Variants in GRM7 observed in about 807,000 individuals in gnomAD.
GRM7 encodes the protein metabotropic glutamate receptor 7.
Under a neutral mutation model 84.5 loss-of-function variants are expected in GRM7, and 35 were observed. The ratio of observed to expected loss-of-function variants is 0.41; its 90% CI spans 0.32 to 0.55. GRM7 has a LOEUF of 0.55. Among genes scored for constraint, GRM7 ranks in the 20% least tolerant of loss-of-function variants. GRM7 has a pLI of 0.19. For synonymous variants in GRM7, 487 were observed against 455.1 expected, an observed-to-expected ratio of 1.07 and a Z score of -0.89; for missense variants, 1,003 against 1,194.6, an observed-to-expected ratio of 0.84 and a Z score of 2.36.
intron 1 of GRM7, among the ~76,000 whole-genome samples, chr3:7,071,083 T>C (rs913706932): frequency 6.6e-6 from 1 of 152,078 alleles, no homozygotes; most frequent in African/African-American, 2.4e-5. Context: ...CAGCCTCCCT[T>C]TCTGAGGTGA....
At chr3:6,908,377 CA>C (rs1464426670) in intron 1 of GRM7, among the ~76,000 whole-genome samples, 1 of 152,194 alleles carries the variant, frequency 6.6e-6, no homozygotes, top group East Asian at 1.9e-4. Context: ...CTCATGGACT[CA>C]ATGCACTTAA....
At chr3:7,589,181 G>C (rs1414369772) in intron 8 of GRM7, among the ~76,000 whole-genome samples, 2 of 152,200 alleles carry the variant, frequency 1.3e-5, no homozygotes, top group Non-Finnish European at 2.9e-5. Context: ...CAGATGAATG[G>C]AGCCCTTGGT....
At chr3:7,559,978 C>T (rs896001744) in intron 7 of GRM7, among the ~76,000 whole-genome samples, 1 of 152,022 alleles carries the variant, frequency 6.6e-6, no homozygotes, top group Non-Finnish European at 1.5e-5. Flanking sequence ...GTATGAACCT[C>T]ATTTAAACTT....
intron 1 of GRM7, among the ~76,000 whole-genome samples, chr3:6,876,132 G>A (rs187952586): frequency 9.9e-5 from 15 of 152,184 alleles, no homozygotes; most frequent in African/African-American, 3.4e-4. Flanking sequence ...TCCGGGCATG[G>A]CGGCGGGTAC....
At chr3:7,024,276 C>T (rs1695891671) in intron 1 of GRM7, among the ~76,000 whole-genome samples, 1 of 152,130 alleles carries the variant, frequency 6.6e-6, no homozygotes, top group South Asian at 2.1e-4. Context: ...AATGTCTAAA[C>T]CTTCTGCAAG....
chr3:7,657,394 C>T (rs1229584278), intron 8 of GRM7, among the ~76,000 whole-genome samples: 2 of 152,104 alleles, frequency 1.3e-5, no homozygotes, highest in Non-Finnish European at 2.9e-5. Context: ...GGACAGGGTT[C>T]ACGTGTGATG....
chr3:7,360,060 C>G (rs1693591339), intron 4 of GRM7, among the ~76,000 whole-genome samples: 1 of 147,482 alleles, frequency 6.8e-6, no homozygotes, highest in African/African-American at 2.6e-5. Context: ...AGGGAAAACT[C>G]ATTTTTATCC....
At chr3:7,394,037 C>T (rs1695108175) in intron 4 of GRM7, among the ~76,000 whole-genome samples, 1 of 152,046 alleles carries the variant, frequency 6.6e-6, no homozygotes. Context: ...TATGTTAAAT[C>T]CTTTTTAAGT....
At chr3:6,889,332 A>G (rs1211733141) in intron 1 of GRM7, among the ~76,000 whole-genome samples, 1 of 152,128 alleles carries the variant, frequency 6.6e-6, no homozygotes, top group East Asian at 1.9e-4. Flanking sequence ...GAATGCTTCC[A>G]GTTTTCGTCC....
At position 7,151,715 on chromosome 3, in the gene GRM7, T is replaced by C. The variant is rs1209024376; in HGVS notation, c.736+5047T>C. On this transcript the variant is annotated intron_variant, in intron 2 of 9. Coordinates refer to ENST00000357716, the MANE Select transcript of GRM7 (RefSeq NM_000844.4). This position sits in a 1 kb window ranked among gnomAD's most constrained non-coding sequence, Gnocchi z 4.5. The stretch of plus-strand genomic sequence containing the variant: ...GCCCTTTAGGAAAAAAGGAAGCATG[T>C]AGAGAAACACCTTACGATATGTAAT... Among the ~76,000 whole-genome samples, 1 of 152,164 alleles carries C rather than the reference T, an allele frequency of 6.6e-6. No individual in the cohort carries two copies. Among genetic ancestry groups the C allele is most frequent in the African/African-American group, 2.4e-5 (1 of 41,460 alleles).
intron 1 of GRM7, among the ~76,000 whole-genome samples, chr3:6,957,107 A>G (rs1693086854): frequency 6.6e-6 from 1 of 152,188 alleles, no homozygotes; most frequent in Non-Finnish European, 1.5e-5. Context: ...CAGTGACCCT[A>G]TGAGTGTCTT....
chr3:7,156,119 T>G (rs1330345575), intron 2 of GRM7, among the ~76,000 whole-genome samples: 1 of 152,134 alleles, frequency 6.6e-6, no homozygotes, highest in Admixed American at 6.6e-5. Flanking sequence ...GTGTAGGTTG[T>G]GAGAAGACAG....
chr3:7,598,029 C>A (rs1348710720), intron 8 of GRM7, among the ~76,000 whole-genome samples: 1 of 152,094 alleles, frequency 6.6e-6, no homozygotes, highest in Non-Finnish European at 1.5e-5. Flanking sequence ...ACAAAAGGAC[C>A]AAATTCCTTG....
intron 2 of GRM7, among the ~76,000 whole-genome samples, chr3:7,149,603 C>T (rs1236465449): frequency 6.6e-6 from 1 of 152,020 alleles, no homozygotes; most frequent in Non-Finnish European, 1.5e-5. Context: ...GTAGGTGAGG[C>T]GATATGGCAC....
intron 1 of GRM7, among the ~76,000 whole-genome samples, chr3:7,050,399 C>T (rs555913617): frequency 9.2e-5 from 14 of 151,944 alleles, no homozygotes; most frequent in Middle Eastern, 3.4e-3. Context: ...GCTTGAGTGA[C>T]TCAAAGTCAT....
At chr3:7,105,025 A>T in intron 1 of GRM7, among the ~76,000 whole-genome samples, 1 of 151,854 alleles carries the variant, frequency 6.6e-6, no homozygotes, top group Non-Finnish European at 1.5e-5. Context: ...TTCCCTGAGC[A>T]TGAAGGCATT....
intron 1 of GRM7, among the ~76,000 whole-genome samples, chr3:7,099,767 GTA>G: frequency 7.5e-5 from 6 of 80,374 alleles, no homozygotes; most frequent in Non-Finnish European, 1.2e-4. Flanking sequence ...ACATGTATAT[GTA>G]CACGCATTAT....
intron 4 of GRM7, among the ~76,000 whole-genome samples, chr3:7,357,301 C>T (rs1039343663): frequency 6.6e-6 from 1 of 151,962 alleles, no homozygotes; most frequent in Non-Finnish European, 1.5e-5. Flanking sequence ...GCTTGTAAGG[C>T]TCCATGACAC....
At chr3:7,073,087 A>G (rs1282452595) in intron 1 of GRM7, among the ~76,000 whole-genome samples, 1 of 152,144 alleles carries the variant, frequency 6.6e-6, no homozygotes, top group Non-Finnish European at 1.5e-5. Flanking sequence ...AGGGCTTCAG[A>G]AAATCTTTTT....
Sources: allele counts gnomAD v4.1 joint callset (sites outside exome capture counted in the v4.1 genomes callset), GRCh38; gene constraint gnomAD v4.1.1; non-coding constraint Gnocchi (gnomAD v3.1); transcripts MANE v1.5; gene names NCBI Gene and HGNC (gene_info 2026-07-23, HGNC 2026-07-21).